Variants in TTC3 observed in about 807,000 individuals in gnomAD.
TTC3 encodes the protein E3 ubiquitin-protein ligase TTC3.
Under a neutral mutation model 249.6 loss-of-function variants are expected in TTC3, and 180 were observed. That is an observed-to-expected ratio of 0.72 (90% CI 0.64 to 0.82). The LOEUF (loss-of-function observed/expected upper bound fraction) is 0.82. TTC3 is among the 40% of genes least tolerant of loss of function. The pLI, the probability that TTC3 is intolerant of heterozygous loss-of-function variation, is 0.00. For missense variants in TTC3, 2,061 were observed against 2,398.4 expected, an observed-to-expected ratio of 0.86 and a Z score of 2.94; for synonymous variants, 717 against 805.0, an observed-to-expected ratio of 0.89 and a Z score of 1.85.
intron 9 of TTC3, 54 bp downstream of exon 9, chr21:37,095,498 A>ACT: frequency 8.5e-7 from 1 of 1,169,854 alleles, no homozygotes; most frequent in Non-Finnish European, 1.2e-6. Flanking sequence ...TCAAGTTAGA[A>ACT]TGGTAGTCAG....
At position 37,153,055 on chromosome 21, in the gene TTC3, ATG is replaced by A; in HGVS notation, c.2519_2520del (p.Met840ThrfsTer22). On this transcript the variant is annotated frameshift_variant, in exon 27 of 46. Coordinates refer to ENST00000355666, the Ensembl canonical transcript of TTC3. LOFTEE classifies it high-confidence loss of function. ...TAAATCCGGCATACAGAATACAGCC[ATG>A]CTTCTCAAAGAATTGCTTTCTTGGA... The A allele has an allele frequency of 6.2e-7, 1 of 1,613,994 alleles. No individual in the cohort carries two copies. Among genetic ancestry groups the A allele is most frequent in the South Asian group, 1.1e-5 (1 of 91,070 alleles).
chr21:37,167,535 A>AG lies in TTC3; in HGVS notation c.4402-20_4402-19insG, dbSNP rs397721946. 4 of 1,440,916 alleles carry AG rather than the reference A, an allele frequency of 2.8e-6. No individual in the cohort carries two copies. Among genetic ancestry groups the AG allele is most frequent in the Non-Finnish European group, 3.6e-6 (4 of 1,096,194 alleles). 89.3% of individuals were successfully genotyped at this position (1,440,916 alleles called of 1,614,324 possible). A position where few individuals can be genotyped will look rare whatever the true frequency, so the allele number is the denominator to read the frequency against. ...GAGCGATTGAGATAAAGTGAATTTT[A>AG]TTTTTTGTTTTGCCCACAGGTATCT... On this transcript the variant is annotated intron_variant, in intron 33 of 45. Coordinates refer to ENST00000355666, the Ensembl canonical transcript of TTC3.
At chr21:37,184,343 A>C (rs921986391) in intron 36 of TTC3, among the ~76,000 whole-genome samples, 3 of 152,144 alleles carry the variant, frequency 2.0e-5, no homozygotes, top group South Asian at 2.1e-4. Context: ...CATAAAAGTT[A>C]ATTTCTGCTG....
chr21:37,168,007 A>G (rs948192721), intron 34 of TTC3, among the ~76,000 whole-genome samples: 2 of 152,160 alleles, frequency 1.3e-5, no homozygotes, highest in Non-Finnish European at 2.9e-5. Flanking sequence ...CGAATAATAC[A>G]GAAAGATAAA....
At chr21:37,201,491 C>T (rs1305077584) in exon 46 of TTC3, 3 of 1,613,886 alleles carry the variant, frequency 1.9e-6, no homozygotes, top group Non-Finnish European at 2.5e-6. Flanking sequence ...CTGCCAGGGT[C>T]GTGATCTCCT....
chr21:37,087,519 G>A, intron 2 of TTC3, 118 bp downstream of exon 2: 1 of 1,282,582 alleles, frequency 7.8e-7, no homozygotes, highest in Non-Finnish European at 1.1e-6. Context: ...AGGTACACAT[G>A]CTGTTGAAAA....
At chr21:37,153,968 G>C (rs1569076988) in intron 27 of TTC3, among the ~76,000 whole-genome samples, 1 of 149,442 alleles carries the variant, frequency 6.7e-6, no homozygotes, top group Non-Finnish European at 1.5e-5. Flanking sequence ...TCTGACTTTC[G>C]TAACTTGGCT....
chr21:37,076,499 C>T (rs1387988949), intron 1 of TTC3, among the ~76,000 whole-genome samples: 1 of 152,072 alleles, frequency 6.6e-6, no homozygotes, highest in Non-Finnish European at 1.5e-5. Flanking sequence ...GTTAATGAAT[C>T]AGTTTCTAGA....
intron 35 of TTC3, among the ~76,000 whole-genome samples, chr21:37,174,682 C>G (rs1487210768): frequency 6.6e-6 from 1 of 152,184 alleles, no homozygotes; most frequent in Non-Finnish European, 1.5e-5. Context: ...CTATAGAAAT[C>G]TGAGTGCATT....
At chr21:37,094,488 G>C (rs1267469169) in intron 8 of TTC3, among the ~76,000 whole-genome samples, 1 of 152,136 alleles carries the variant, frequency 6.6e-6, no homozygotes, top group Non-Finnish European at 1.5e-5. Context: ...TTAAAAAATT[G>C]AGTGTTCGAA....
chr21:37,120,182 T>C (rs1349683441), intron 11 of TTC3, among the ~76,000 whole-genome samples: 1 of 152,128 alleles, frequency 6.6e-6, no homozygotes, highest in Non-Finnish European at 1.5e-5. Flanking sequence ...ACTAGAGAGA[T>C]GAGCAAGAGG....
exon 8 of TTC3, chr21:37,094,086 T>C: frequency 6.4e-7 from 1 of 1,566,104 alleles, no homozygotes; most frequent in Non-Finnish European, 8.7e-7. Context: ...ATGGATTGTA[T>C]AGAGGTGAGA....
At chr21:37,147,731 AT>A (rs372841981) in intron 22 of TTC3, 128 bp downstream of exon 22, 175,923 of 824,170 alleles carry the variant, frequency 0.21, no homozygotes, top group South Asian at 0.27. Context: ...CTTTCCCAGG[AT>A]TTTTTTTTTT....
At chr21:37,094,586 A>G (rs1384448352) in intron 8 of TTC3, among the ~76,000 whole-genome samples, 1 of 152,214 alleles carries the variant, frequency 6.6e-6, no homozygotes, top group Non-Finnish European at 1.5e-5. Context: ...TCTAATCAGC[A>G]TTGCCTCTAT....
In TTC3 at chr21:37,152,111, T is replaced by C. The variant is rs550612822; in HGVS notation, c.2413+82T>C. 1.4e-4 allele frequency: 189 copies of C among 1,338,686 alleles called. 1 individual carries two copies. In the South Asian group the frequency reaches 1.9e-3, roughly 14 times the overall value. 82.9% of individuals were successfully genotyped at this position (1,338,686 alleles called of 1,614,324 possible). A position where few individuals can be genotyped will look rare whatever the true frequency, so the allele number is the denominator to read the frequency against. ...TGTAAGCATCTTTTGGGCCTTATAT[T>C]CATCATTATTGAATTGAAATAAAGA... On this transcript the variant is annotated intron_variant, in intron 26 of 45. Coordinates refer to ENST00000355666, the Ensembl canonical transcript of TTC3.
chr21:37,094,003 A>G lies in TTC3; in HGVS notation c.602-2A>G. On this transcript the variant is annotated splice_acceptor_variant, in intron 7 of 45. Coordinates refer to ENST00000355666, the Ensembl canonical transcript of TTC3. LOFTEE classifies it high-confidence loss of function. ...TTGCTCTCTCCTAAAAATAAAATTTAGACAAGTACCACATAACTAAAATTG... is the reference window on the plus strand; with the variant it reads ...TTGCTCTCTCCTAAAAATAAAATTTGGACAAGTACCACATAACTAAAATTG... 12 of 1,584,548 alleles carry G rather than the reference A, an allele frequency of 7.6e-6. No individual in the cohort carries two copies. Among genetic ancestry groups the G allele is most frequent in the Non-Finnish European group, 1.0e-5 (12 of 1,160,560 alleles).
intron 10 of TTC3, chr21:37,099,142 A>C (rs2147743268): frequency 6.6e-6 from 1 of 152,350 alleles, no homozygotes; most frequent in Non-Finnish European, 1.5e-5. Context: ...GAAATAATTA[A>C]TTTATCCTGA....
chr21:37,121,787 G>GA (rs765591569), intron 11 of TTC3, 30 bp from the exon 12 acceptor site: 11 of 1,516,554 alleles, frequency 7.3e-6, no homozygotes, highest in East Asian at 4.7e-5. Context: ...ATATTTTTGA[G>GA]AAAAAATTAA....
chr21:37,161,184 A>G (rs1228301196), intron 30 of TTC3, among the ~76,000 whole-genome samples: 1 of 152,182 alleles, frequency 6.6e-6, no homozygotes, highest in Non-Finnish European at 1.5e-5. Context: ...AAAAATGATG[A>G]ATACTAATCA....
Sources: allele counts gnomAD v4.1 joint callset (sites outside exome capture counted in the v4.1 genomes callset), GRCh38; gene constraint gnomAD v4.1.1; transcripts MANE v1.5; gene names NCBI Gene and HGNC (gene_info 2026-07-23, HGNC 2026-07-21).